The following TMEM114 variants were observed in gnomAD, a reference collection of about 807,000 sequenced individuals.
The protein encoded by TMEM114 is transmembrane protein 114, also known as claudin-26.
TMEM114 carries 6 observed loss-of-function variants against 6.2 expected under a neutral mutation model. That is an observed-to-expected ratio of 0.97 (90% CI 0.53 to 1.91). The LOEUF is 1.91. Ranked by LOEUF, TMEM114 falls within the 40% of genes most tolerant of loss-of-function variation. TMEM114 has a pLI of 0.01. For synonymous variants in TMEM114, 104 were observed against 73.0 expected (o/e 1.42, Z -2.16); for missense variants, 218 against 158.3 (o/e 1.38, Z -2.02).
intron 2 of TMEM114, among the ~76,000 whole-genome samples, chr16:8,556,752 C>G (rs1034601487): frequency 1.3e-5 from 2 of 152,212 alleles, no homozygotes; most frequent in Admixed American, 6.5e-5. Context: ...ATCCACCCGC[C>G]TCAGCCTCCC....
the TMEM114 span, among the ~76,000 whole-genome samples, chr16:8,527,337 C>T: frequency 6.6e-6 from 1 of 152,160 alleles, no homozygotes; most frequent in Non-Finnish European, 1.5e-5. Flanking sequence ...GTGGAAAAAC[C>T]CCAGCTTTGG....
intron 2 of TMEM114, among the ~76,000 whole-genome samples, chr16:8,582,391 T>C (rs1210648518): frequency 6.6e-6 from 1 of 152,254 alleles, no homozygotes; most frequent in Non-Finnish European, 1.5e-5. Flanking sequence ...AGCTCAGTCC[T>C]GCCTCATGGC....
chr16:8,562,168 A>G (rs1229254167), intron 2 of TMEM114, among the ~76,000 whole-genome samples: 2 of 145,564 alleles, frequency 1.4e-5, no homozygotes, highest in Non-Finnish European at 3.0e-5. Flanking sequence ...GAGTTAGTGA[A>G]TGAGTGAATG....
chr16:8,590,355 C>A lies in TMEM114; in HGVS notation c.-517G>T, dbSNP rs887610579. Among the ~76,000 whole-genome samples, 6 of 152,220 alleles carry A rather than the reference C, an allele frequency of 3.9e-5. No homozygotes were observed. The highest frequency in any genetic ancestry group is 5.9e-5 in the Non-Finnish European group (4 of 68,036). On this transcript the variant is annotated 5_prime_UTR_variant, in exon 1 of 4. Transcript: ENST00000620492. ...ATCCCAGATGCTCCCCTCTCTGCCTCTGTCTCTGGATTTCCGCCCCAGCCC... is the reference window on the plus strand; with the variant it reads ...ATCCCAGATGCTCCCCTCTCTGCCTATGTCTCTGGATTTCCGCCCCAGCCC...
At chr16:8,576,356 C>A in intron 2 of TMEM114, among the ~76,000 whole-genome samples, 1 of 152,210 alleles carries the variant, frequency 6.6e-6, no homozygotes, top group Non-Finnish European at 1.5e-5. Context: ...CCCGTAAGTC[C>A]TTCCTGGCAA....
chr16:8,562,540 GT>G (rs1901285248), intron 2 of TMEM114, among the ~76,000 whole-genome samples: 1 of 140,132 alleles, frequency 7.1e-6, no homozygotes, highest in Non-Finnish European at 1.6e-5. Context: ...GAGTGAGTGA[GT>G]GAATGAGTGA....
chr16:8,588,961 C>A (rs1902399314), intron 2 of TMEM114, among the ~76,000 whole-genome samples: 1 of 152,320 alleles, frequency 6.6e-6, no homozygotes, highest in African/African-American at 2.4e-5. Flanking sequence ...TCTTAACCAT[C>A]CATCAAAACG....
intron 2 of TMEM114, among the ~76,000 whole-genome samples, chr16:8,556,567 T>C (rs1296968293): frequency 6.6e-6 from 1 of 152,130 alleles, no homozygotes; most frequent in Admixed American, 6.6e-5. Context: ...AATGGCGTGA[T>C]CTTGGCTCAC....
intron 2 of TMEM114, among the ~76,000 whole-genome samples, chr16:8,588,310 A>C (rs1417543225): frequency 6.6e-6 from 1 of 150,758 alleles, no homozygotes; most frequent in East Asian, 1.9e-4. Flanking sequence ...AAACCTGCCC[A>C]CATTTTCAAA....
chr16:8,561,579 T>C (rs191969291), intron 2 of TMEM114, among the ~76,000 whole-genome samples: 7 of 152,342 alleles, frequency 4.6e-5, no homozygotes, highest in African/African-American at 1.7e-4. Flanking sequence ...AAGAAGTCAC[T>C]GTTGAATGAA....
intron 2 of TMEM114, among the ~76,000 whole-genome samples, chr16:8,550,602 C>G (rs1900808606): frequency 6.6e-6 from 1 of 151,696 alleles, no homozygotes; most frequent in African/African-American, 2.4e-5. Flanking sequence ...TGCTTGAACC[C>G]TGGAGGCAGA....
downstream of TMEM114, among the ~76,000 whole-genome samples, chr16:8,534,753 A>C (rs374523887): frequency 6.6e-6 from 1 of 152,202 alleles, no homozygotes; most frequent in Non-Finnish European, 1.5e-5. Flanking sequence ...CATGGTCAAC[A>C]TTGAATTCAT....
intron 2 of TMEM114, among the ~76,000 whole-genome samples, chr16:8,573,805 T>A (rs1255392378): frequency 6.6e-6 from 1 of 152,162 alleles, no homozygotes; most frequent in Non-Finnish European, 1.5e-5. Flanking sequence ...CAGCACCCCA[T>A]AGGGACAGGC....
intron 2 of TMEM114, among the ~76,000 whole-genome samples, chr16:8,574,960 T>C (rs1242646099): frequency 2.6e-5 from 4 of 152,198 alleles, no homozygotes; most frequent in Admixed American, 6.5e-5. Flanking sequence ...CTTTGGAACA[T>C]GAATATTGAT....
chr16:8,549,109 G>T (rs1253768626), intron 2 of TMEM114, among the ~76,000 whole-genome samples: 2 of 149,348 alleles, frequency 1.3e-5, no homozygotes, highest in Non-Finnish European at 3.0e-5. Context: ...GTGAACCCTG[G>T]AGGTGGAGCT....
chr16:8,530,571 CAG>C, the TMEM114 span, among the ~76,000 whole-genome samples: 48,459 of 150,232 alleles, frequency 0.32, 8,583 homozygotes, highest in East Asian at 0.49. Flanking sequence ...GCGAGGGAGA[CAG>C]AGAGGAGAGA....
At chr16:8,549,697 GT>G (rs1345223446) in intron 2 of TMEM114, among the ~76,000 whole-genome samples, 1 of 152,058 alleles carries the variant, frequency 6.6e-6, no homozygotes, top group Non-Finnish European at 1.5e-5. Context: ...TGTATGCGGG[GT>G]TCTGTGTCTG....
chr16:8,565,324 G>C (rs542986455), downstream of TMEM114, among the ~76,000 whole-genome samples: 9 of 152,306 alleles, frequency 5.9e-5, no homozygotes, highest in African/African-American at 2.2e-4. Flanking sequence ...CAATGAGTGA[G>C]TAAATGAATG....
downstream of TMEM114, among the ~76,000 whole-genome samples, chr16:8,564,769 G>C (rs1901470116): frequency 6.6e-6 from 1 of 150,902 alleles, no homozygotes; most frequent in Non-Finnish European, 1.5e-5. Flanking sequence ...GAGTGAATGA[G>C]TAAATGAGTG....
Sources: gnomAD v4.1 joint callset for allele counts (sites outside exome capture counted in the v4.1 genomes callset) on GRCh38, gnomAD v4.1.1 for gene constraint, MANE v1.5 for transcripts, NCBI Gene and HGNC (gene_info 2026-07-23, HGNC 2026-07-21) for gene names.